The following HDGFL3 variants were observed in gnomAD, a reference collection of about 807,000 sequenced individuals.
The protein encoded by HDGFL3 is hepatoma-derived growth factor-related protein 3.
In HDGFL3, 6 loss-of-function variants were observed where a neutral mutation model predicts 27.6. The ratio of observed to expected loss-of-function variants is 0.22; its 90% CI spans 0.12 to 0.43. HDGFL3 has a LOEUF of 0.43. Among genes scored for constraint, HDGFL3 ranks in the 20% least tolerant of loss-of-function variants. The pLI, the probability that HDGFL3 is intolerant of heterozygous loss-of-function variation, is 1.00. For missense variants in HDGFL3, 207 were observed against 250.1 expected, an observed-to-expected ratio of 0.83 and a Z score of 1.16; for synonymous variants, 88 against 88.9, an observed-to-expected ratio of 0.99 and a Z score of 0.05.
chr15:83,159,340 G>A (rs2037069058), intron 2 of HDGFL3, among the ~76,000 whole-genome samples: 1 of 152,120 alleles, frequency 6.6e-6, no homozygotes, highest in South Asian at 2.1e-4. Flanking sequence ...CACAGTTCTG[G>A]CTGACACCCC....
At chr15:83,156,614 T>C (rs2037032795) in intron 4 of HDGFL3, among the ~76,000 whole-genome samples, 1 of 152,226 alleles carries the variant, frequency 6.6e-6, no homozygotes, top group Non-Finnish European at 1.5e-5. Context: ...TACGAAGCCT[T>C]GACGTGTGGT....
rs1474077290 is a variant in HDGFL3 at position 83,207,105 on chromosome 15, C to A, written c.84+226G>T. Reference sequence around the variant, plus strand: ...GGCCTGCGGGGGCCGGACCCGCCTTCGAAAGTGGGCGGAAGGATGGCCGCC... The same window carrying A: ...GGCCTGCGGGGGCCGGACCCGCCTTAGAAAGTGGGCGGAAGGATGGCCGCC... On this transcript the variant is annotated intron_variant, in intron 1 of 5. Coordinates refer to ENST00000299633, the MANE Select transcript of HDGFL3 (RefSeq NM_016073.4). This position sits in a 1 kb window ranked among gnomAD's most constrained non-coding sequence, Gnocchi z 4.8. Among the ~76,000 whole-genome samples, 2 of 152,192 alleles carry A rather than the reference C, an allele frequency of 1.3e-5. No individual in the cohort carries two copies. The highest frequency in any genetic ancestry group is 2.9e-5 in the Non-Finnish European group (2 of 68,030).
Position 83,171,317 on chromosome 15 carries a change from T to G in HDGFL3, c.85-7242A>C, listed in dbSNP as rs560525799. Among the ~76,000 whole-genome samples, 15 of 152,158 alleles carry G rather than the reference T, an allele frequency of 9.9e-5. 1 individual carries two copies. In the South Asian group the frequency reaches 1.0e-3, roughly 11 times the overall value. The stretch of plus-strand genomic sequence containing the variant: ...TGGGACTGTAAATTAGTTCAGCCAC[T>G]GTGGAAAGCAGTTTGGAGATTTCTC... On this transcript the variant is annotated intron_variant, in intron 1 of 5. Transcript: ENST00000299633.
intron 5 of HDGFL3, among the ~76,000 whole-genome samples, chr15:83,142,520 A>C (rs2036795112): frequency 6.6e-6 from 1 of 152,184 alleles, no homozygotes; most frequent in Non-Finnish European, 1.5e-5. Context: ...ACTAGGGCCT[A>C]CTGGAGGGTA....
intron 1 of HDGFL3, among the ~76,000 whole-genome samples, chr15:83,171,249 G>A (rs1383854119): frequency 7.6e-6 from 1 of 131,582 alleles, no homozygotes; most frequent in Non-Finnish European, 1.5e-5. Flanking sequence ...AACAATGGAT[G>A]TTTCATGAGG....
chr15:83,196,078 AT>A (rs1180769438), intron 1 of HDGFL3, among the ~76,000 whole-genome samples: 1 of 151,996 alleles, frequency 6.6e-6, no homozygotes, highest in East Asian at 1.9e-4. Context: ...AGGGACAGAT[AT>A]GTAGAAATAT....
rs879510096 is a variant in HDGFL3, at chr15:83,127,769, T to G, written c.*11501A>C. The stretch of plus-strand genomic sequence containing the variant: ...CACCCAGCATGTGGCATTGTTGTTT[T>G]ATTGGACTGTTTCACAATCTCTGAA... On this transcript the variant is annotated 3_prime_UTR_variant, in exon 6 of 6. Transcript: ENST00000299633. The G allele has an allele frequency of 3.1e-6, 1 of 322,186 alleles. No individual in the cohort carries two copies. Among genetic ancestry groups the G allele is most frequent in the Non-Finnish European group, 5.8e-6 (1 of 171,276 alleles). 20.0% of individuals were successfully genotyped at this position (322,186 alleles called of 1,614,324 possible).
intron 3 of HDGFL3, 120 bp downstream of exon 3, chr15:83,157,783 G>C: frequency 9.5e-7 from 1 of 1,049,230 alleles, no homozygotes; most frequent in Non-Finnish European, 1.4e-6. Context: ...TGCTACTGGA[G>C]TCAAAAAGAA....
Position 83,178,936 on chromosome 15 carries a change from G to T in HDGFL3, c.85-14861C>A, listed in dbSNP as rs1449441552. The stretch of plus-strand genomic sequence containing the variant: ...TAAAGCTTGATATTAGTGTTGTCTT[G>T]TCAGGAGAGCCTATCTGCAAGTTCT... On this transcript the variant is annotated intron_variant, in intron 1 of 5. Transcript: ENST00000299633. Among the ~76,000 whole-genome samples the T allele has an allele frequency of 3.3e-5, 5 of 152,170 alleles. No individual in the cohort carries two copies. In the East Asian group the frequency reaches 7.7e-4, roughly 24 times the overall value.
chr15:83,160,191 G>GT (rs776088047), intron 2 of HDGFL3, among the ~76,000 whole-genome samples: 1,455 of 143,426 alleles, frequency 0.01, 7 homozygotes, highest in South Asian at 0.022. Flanking sequence ...TATCTCTAAG[G>GT]TTTTTTTTTT....
downstream of HDGFL3, among the ~76,000 whole-genome samples, chr15:83,126,163 A>T (rs1178419950): frequency 2.0e-5 from 3 of 152,200 alleles, no homozygotes; most frequent in East Asian, 5.8e-4. Flanking sequence ...GTGTTCATAT[A>T]TGCCATCTAG....
rs1274092910 is a variant in HDGFL3 at position 83,132,282 on chromosome 15, C to T, written c.*6988G>A. On this transcript the variant is annotated 3_prime_UTR_variant, in exon 6 of 6. Coordinates refer to ENST00000299633, the MANE Select transcript of HDGFL3 (RefSeq NM_016073.4). ...TGCCTTATGTTGTTCCGAAGATTAA[C>T]CTGAAGACAAACTAATTAAATTAAG... The T allele has an allele frequency of 6.6e-6, 1 of 152,116 alleles. No individual in the cohort carries two copies. The highest frequency in any genetic ancestry group is 1.9e-4 in the East Asian group (1 of 5,196). 9.4% of individuals were successfully genotyped at this position (152,116 alleles called of 1,614,324 possible).
chr15:83,175,116 A>G (rs1165591177), intron 1 of HDGFL3, among the ~76,000 whole-genome samples: 1 of 152,196 alleles, frequency 6.6e-6, no homozygotes, highest in African/African-American at 2.4e-5. Context: ...ACTTTAGACA[A>G]AGAATGTGCT....
chr15:83,192,527 T>G (rs1371426965), intron 1 of HDGFL3, among the ~76,000 whole-genome samples: 1 of 152,192 alleles, frequency 6.6e-6, no homozygotes, highest in African/African-American at 2.4e-5. Flanking sequence ...AAAGGCACGA[T>G]GAATGAGCTA....
intron 3 of HDGFL3, among the ~76,000 whole-genome samples, chr15:83,122,502 C>T (rs896331488): frequency 2.0e-5 from 3 of 152,084 alleles, no homozygotes; most frequent in Admixed American, 6.6e-5. Flanking sequence ...CTCTGTTGCC[C>T]AGGCTGGCTT....
rs1041230256 is a variant in HDGFL3, at chr15:83,133,699, T to C, written c.*5571A>G. ...CCCAGCACAGGCTCAGGCTGAGCTCTTCAGGTCCTGCCATGAGAGGCCTTG... is the reference window on the plus strand; with the variant it reads ...CCCAGCACAGGCTCAGGCTGAGCTCCTCAGGTCCTGCCATGAGAGGCCTTG... On this transcript the variant is annotated 3_prime_UTR_variant, in exon 6 of 6. Transcript: ENST00000299633. 7.2e-5 allele frequency: 11 copies of C among 152,246 alleles called. No individual in the cohort carries two copies. The highest frequency in any genetic ancestry group is 5.2e-4 in the Admixed American group (8 of 15,276). The allele number at this position is 152,246 out of a possible 1,614,324, so 9.4% of individuals were successfully genotyped here. A position where few individuals can be genotyped will look rare whatever the true frequency, so the allele number is the denominator to read the frequency against.
At chr15:83,190,921 A>C (rs1239384130) in intron 1 of HDGFL3, among the ~76,000 whole-genome samples, 1 of 152,200 alleles carries the variant, frequency 6.6e-6, no homozygotes, top group Non-Finnish European at 1.5e-5. Flanking sequence ...ATTTTTGTAC[A>C]TGGTGTGAAT....
intron 1 of HDGFL3, chr15:83,184,902 G>C (rs2037422380): frequency 6.6e-6 from 1 of 152,242 alleles, no homozygotes; most frequent in Non-Finnish European, 1.5e-5. Context: ...AAAGACCCTT[G>C]TAAACTTTCA....
chr15:83,163,844 C>G lies in HDGFL3; in HGVS notation c.161+155G>C, dbSNP rs943165469. The stretch of plus-strand genomic sequence containing the variant: ...GTCATAAAGACTTCTATCATGAAAA[C>G]TATTTACATTAACAAAAATACATTA... On this transcript the variant is annotated intron_variant, in intron 2 of 5. Coordinates refer to ENST00000299633, the MANE Select transcript of HDGFL3 (RefSeq NM_016073.4). The G allele has an allele frequency of 6.1e-5, 36 of 592,148 alleles. No homozygotes were observed. The African/African-American group carries it at 6.5e-4, about 11-fold the overall frequency. 36.7% of individuals were successfully genotyped at this position (592,148 alleles called of 1,614,324 possible).
Sources: allele counts gnomAD v4.1 joint callset (sites outside exome capture counted in the v4.1 genomes callset), GRCh38; gene constraint gnomAD v4.1.1; non-coding constraint Gnocchi (gnomAD v3.1); transcripts MANE v1.5; gene names NCBI Gene and HGNC (gene_info 2026-07-23, HGNC 2026-07-21).